STAB2: variants seen among roughly 807,000 people sequenced by gnomAD.
The protein encoded by STAB2 is stabilin 2.
Under a neutral mutation model 338.1 loss-of-function variants are expected in STAB2, and 288 were observed. The observed-to-expected ratio is 0.85, with a 90% CI of 0.77 to 0.94. STAB2 has a LOEUF of 0.94. Among genes scored for constraint, STAB2 ranks in the 40% least tolerant of loss-of-function variants. STAB2 has a pLI of 0.00. For synonymous variants in STAB2, 1,202 were observed against 1,193.3 expected, an observed-to-expected ratio of 1.01 and a Z score of -0.15; for missense variants, 3,141 against 3,210.1, an observed-to-expected ratio of 0.98 and a Z score of 0.52.
At chr12:103,616,226 A>G (rs1456812824) in intron 3 of STAB2, among the ~76,000 whole-genome samples, 1 of 152,206 alleles carries the variant, frequency 6.6e-6, no homozygotes, top group Non-Finnish European at 1.5e-5. Context: ...AGCCCAGAGC[A>G]TGGTTATATT....
At chr12:103,732,140 C>T (rs1881682660) in intron 50 of STAB2, among the ~76,000 whole-genome samples, 1 of 152,080 alleles carries the variant, frequency 6.6e-6, no homozygotes, top group Non-Finnish European at 1.5e-5. Context: ...GAAACTCTGT[C>T]TCTACTAAAA....
At chr12:103,656,391 G>A (rs968392928) in intron 15 of STAB2, among the ~76,000 whole-genome samples, 3 of 152,212 alleles carry the variant, frequency 2.0e-5, no homozygotes, top group Non-Finnish European at 2.9e-5. Flanking sequence ...TTTTAGGGTA[G>A]TGATTCCCAA....
chr12:103,764,054 C>T (rs1249249120), intron 68 of STAB2, among the ~76,000 whole-genome samples: 7 of 151,720 alleles, frequency 4.6e-5, no homozygotes, highest in Non-Finnish European at 1.0e-4. Context: ...GGCACGATCT[C>T]GGCTCATTGC....
intron 37 of STAB2, among the ~76,000 whole-genome samples, 199 bp from the exon 38 acceptor site, chr12:103,706,593 T>A (rs1879367353): frequency 1.3e-5 from 2 of 152,124 alleles, no homozygotes; most frequent in East Asian, 3.9e-4. Flanking sequence ...AGTGGAGCCC[T>A]TGGTCCTGTT....
chr12:103,595,657 C>T (rs1956864569), intron 3 of STAB2, among the ~76,000 whole-genome samples: 2 of 152,118 alleles, frequency 1.3e-5, no homozygotes. Flanking sequence ...GCTTATATTA[C>T]CAGATGTAAT....
At chr12:103,620,277 G>A (rs1179553972) in intron 3 of STAB2, among the ~76,000 whole-genome samples, 191 bp from the exon 4 acceptor site, 1 of 152,180 alleles carries the variant, frequency 6.6e-6, no homozygotes, top group Non-Finnish European at 1.5e-5. Flanking sequence ...TTCTAATACA[G>A]CACATGACCA....
At position 103,654,851 on chromosome 12, in the gene STAB2, A is replaced by G. The variant is rs139862770; in HGVS notation, c.1551+153A>G. 1.1e-4 allele frequency: 101 copies of G among 954,854 alleles called. No individual in the cohort carries two copies. In the East Asian group the frequency reaches 1.8e-3, roughly 17 times the overall value. 59.1% of individuals were successfully genotyped at this position (954,854 alleles called of 1,614,324 possible). ...AGAAGAGGTGGTTTGTCTGTTTCCA[A>G]TAGAAACCTGGGAATCTCTGCAGAA... On this transcript the variant is annotated intron_variant, in intron 13 of 68. Transcript: ENST00000388887.
chr12:103,676,259 A>G (rs1490970362), intron 24 of STAB2, among the ~76,000 whole-genome samples: 5 of 151,736 alleles, frequency 3.3e-5, no homozygotes, highest in Non-Finnish European at 4.4e-5. Flanking sequence ...GGGTTTCACC[A>G]TGTTGGTCAG....
intron 11 of STAB2, 46 bp from the exon 12 acceptor site, chr12:103,652,510 T>C: frequency 6.6e-7 from 1 of 1,511,922 alleles, no homozygotes; most frequent in Non-Finnish European, 8.9e-7. Context: ...GTTACAAAAC[T>C]CATTTTCTTC....
intron 52 of STAB2, among the ~76,000 whole-genome samples, chr12:103,736,083 G>A (rs2139100083): frequency 6.6e-6 from 1 of 152,300 alleles, no homozygotes; most frequent in East Asian, 1.9e-4. Context: ...TCCATATGAT[G>A]AATGGGTCTA....
chr12:103,609,155 G>T (rs1957080965), intron 3 of STAB2, among the ~76,000 whole-genome samples: 1 of 152,158 alleles, frequency 6.6e-6, no homozygotes, highest in Non-Finnish European at 1.5e-5. Flanking sequence ...GCTTAGGATT[G>T]TCTTGGCAAT....
At chr12:103,613,740 C>T (rs979054660) in intron 3 of STAB2, among the ~76,000 whole-genome samples, 1 of 152,152 alleles carries the variant, frequency 6.6e-6, no homozygotes, top group Non-Finnish European at 1.5e-5. Context: ...CCTGGTACCT[C>T]AGTTGGAAAT....
In STAB2 at chr12:103,760,650, C is replaced by T. The variant is rs908303082; in HGVS notation, c.7249-650C>T. Among the ~76,000 whole-genome samples the T allele has an allele frequency of 3.3e-5, 5 of 152,000 alleles. No individual in the cohort carries two copies. The East Asian group carries it at 5.8e-4, about 18-fold the overall frequency. On this transcript the variant is annotated intron_variant, in intron 65 of 68. Coordinates refer to ENST00000388887, the MANE Select transcript of STAB2 (RefSeq NM_017564.10). ...CTGATGGAGATGACCGTGGGGGTAGCGGTGGAGGTGGTGATAACCATGATG... is the reference window on the plus strand; with the variant it reads ...CTGATGGAGATGACCGTGGGGGTAGTGGTGGAGGTGGTGATAACCATGATG...
chr12:103,652,744 A>T (rs1159947563), intron 12 of STAB2, 39 bp downstream of exon 12: 2 of 1,516,054 alleles, frequency 1.3e-6, no homozygotes, highest in African/African-American at 2.8e-5. Context: ...GAACTAAATT[A>T]TCCACCAAGC....
Position 103,727,445 on chromosome 12 carries a change from C to G in STAB2, c.4935+95C>G, listed in dbSNP as rs1443343655. The G allele has an allele frequency of 3.6e-6, 5 of 1,407,306 alleles. No individual in the cohort carries two copies. In the East Asian group the frequency reaches 1.1e-4, roughly 32 times the overall value. The allele number at this position is 1,407,306 out of a possible 1,614,324, so 87.2% of individuals were successfully genotyped here. On this transcript the variant is annotated intron_variant, in intron 47 of 68. Transcript: ENST00000388887. ...AACCAAGACTGGAGATGTTTCTAAGCAGGAGCTCTGAGATCAGGTGGAACT... is the reference window on the plus strand; with the variant it reads ...AACCAAGACTGGAGATGTTTCTAAGGAGGAGCTCTGAGATCAGGTGGAACT...
chr12:103,765,086 CAAAAAA>C lies in STAB2; in HGVS notation c.7606-1180_7606-1175del, dbSNP rs56002429. On this transcript the variant is annotated intron_variant, in intron 68 of 68. Transcript: ENST00000388887. ...TGGGCAGCAGAGCAAGACTCTGTCT[CAAAAAA>C]AAAAAAAAAAAAAAAAAAAGGGAGG... 2.3e-3 allele frequency among the ~76,000 whole-genome samples: 156 copies of C among 66,494 alleles called. 1 individual carries two copies. The highest frequency in any genetic ancestry group is 8.9e-3 in the East Asian group (24 of 2,696). 43.6% of individuals were successfully genotyped at this position (66,494 alleles called of 152,430 possible).
In STAB2 at chr12:103,624,809, G is replaced by A. The variant is rs1470420575; in HGVS notation, c.487+2698G>A. 3.9e-5 allele frequency among the ~76,000 whole-genome samples: 6 copies of A among 151,958 alleles called. No individual in the cohort carries two copies. The East Asian group carries it at 7.7e-4, about 20-fold the overall frequency. On this transcript the variant is annotated intron_variant, in intron 5 of 68. Transcript: ENST00000388887. ...AAAAATTAGCCGTGTGTGGTGGTGC[G>A]CACCTGAAATCCCAGCTACTTGGGA...
intron 47 of STAB2, 149 bp downstream of exon 47, chr12:103,727,499 G>A (rs1044064672): frequency 3.4e-6 from 3 of 873,940 alleles, no homozygotes; most frequent in Non-Finnish European, 5.5e-6. Context: ...CTGCCTCTTG[G>A]CACAGGGACC....
At chr12:103,611,824 C>T (rs1462855635) in intron 3 of STAB2, among the ~76,000 whole-genome samples, 1 of 152,100 alleles carries the variant, frequency 6.6e-6, no homozygotes, top group Non-Finnish European at 1.5e-5. Flanking sequence ...GTGGCTGGTA[C>T]CGGTTGTTCC....
Sources: allele counts gnomAD v4.1 joint callset (sites outside exome capture counted in the v4.1 genomes callset), GRCh38; gene constraint gnomAD v4.1.1; transcripts MANE v1.5; gene names NCBI Gene and HGNC (gene_info 2026-07-23, HGNC 2026-07-21).